Variants in USP9Y observed in about 807,000 individuals in gnomAD.
USP9Y encodes ubiquitin specific peptidase 9 Y-linked.
A neutral mutation model predicts 53.1 loss-of-function variants in USP9Y; 41 were observed. The observed-to-expected ratio is 0.77, with a 90% CI of 0.60 to 1.00. USP9Y has a LOEUF of 1.00. Among genes scored for constraint, USP9Y ranks in the 50% least tolerant of loss-of-function variants. The probability of loss-of-function intolerance (pLI) is 0.00; values close to 1 mark genes in which losing one functional copy is unlikely to be tolerated. For missense variants in USP9Y, 567 were observed against 535.8 expected (o/e 1.06, Z -0.58); for synonymous variants, 220 against 173.7 (o/e 1.27, Z -2.09).
intron 1 of USP9Y, among the ~76,000 whole-genome samples, chrY:12,706,862 T>C: frequency 3.0e-5 from 1 of 33,516 alleles, no homozygotes; most frequent in Non-Finnish European, 7.4e-5. Flanking sequence ...TGGAATAATA[T>C]TAATTTGTAA....
At chrY:12,739,651 T>C (rs1282219275) in intron 12 of USP9Y, 22 bp downstream of exon 12, 1 of 298,617 alleles carries the variant, frequency 3.3e-6, no homozygotes, top group Admixed American at 7.8e-5. Flanking sequence ...AATAGTAAAG[T>C]ATTGCCAAAT....
Position 12,859,797 on chromosome Y carries a change from A to G in USP9Y, c.*381A>G. On this transcript the variant is annotated 3_prime_UTR_variant, in exon 46 of 46. Transcript: ENST00000338981. Reference sequence around the variant, plus strand: ...GCAATTGATATTGCCTGCTTTGAGCAGTTTGGTCAACTTACCAACTTCCCC... The same window carrying G: ...GCAATTGATATTGCCTGCTTTGAGCGGTTTGGTCAACTTACCAACTTCCCC... The G allele has an allele frequency of 2.5e-5, 1 of 39,302 alleles. No individual in the cohort carries two copies. Among genetic ancestry groups the G allele is most frequent in the Non-Finnish European group, 6.3e-5 (1 of 15,896 alleles). 9.8% of individuals were successfully genotyped at this position (39,302 alleles called of 400,897 possible).
At chrY:12,837,879 C>G in intron 34 of USP9Y, 32 bp from the exon 35 acceptor site, 1 of 281,265 alleles carries the variant, frequency 3.6e-6, no homozygotes, top group South Asian at 3.8e-5. Flanking sequence ...AGAATACATT[C>G]TTTTAATTTG....
At chrY:12,810,111 A>C (rs2053528320) in intron 27 of USP9Y, 68 bp from the exon 28 acceptor site, 1 of 326,578 alleles carries the variant, frequency 3.1e-6, no homozygotes, top group African/African-American at 6.9e-5. Context: ...TATACCTCCT[A>C]TTAAAGATAG....
intron 1 of USP9Y, among the ~76,000 whole-genome samples, chrY:12,707,626 C>G: frequency 3.0e-5 from 1 of 33,350 alleles, no homozygotes; most frequent in Non-Finnish European, 7.4e-5. Flanking sequence ...TTTTTATATA[C>G]TGTGCCTTAC....
chrY:12,754,252 G>A, intron 12 of USP9Y, among the ~76,000 whole-genome samples: 2 of 28,453 alleles, frequency 7.0e-5, no homozygotes, highest in Admixed American at 7.0e-4. Flanking sequence ...TTCCAGACAG[G>A]GCCTCAATCT....
At chrY:12,815,466 T>C in intron 31 of USP9Y, among the ~76,000 whole-genome samples, 4 of 33,778 alleles carry the variant, frequency 1.2e-4, no homozygotes, top group Non-Finnish European at 2.9e-4. Flanking sequence ...GACCCCGTGA[T>C]CTGCCCGCCT....
chrY:12,733,156 C>T (rs9786831), intron 7 of USP9Y, among the ~76,000 whole-genome samples: 6,423 of 29,922 alleles, frequency 0.21, no homozygotes, highest in African/African-American at 0.69. Context: ...TGATCTCAGG[C>T]GATCCGCCCG....
chrY:12,707,052 A>T, intron 1 of USP9Y, among the ~76,000 whole-genome samples: 1 of 33,501 alleles, frequency 3.0e-5, no homozygotes, highest in African/African-American at 1.2e-4. Context: ...CGGTTTAATC[A>T]TGGCAGACTT....
chrY:12,854,370 A>C, intron 42 of USP9Y, among the ~76,000 whole-genome samples: 1 of 33,807 alleles, frequency 3.0e-5, no homozygotes, highest in South Asian at 6.4e-4. Context: ...ACTGTGTTTG[A>C]AAGAATTTTT....
chrY:12,842,498 A>G, intron 38 of USP9Y, 33 bp downstream of exon 38: 1 of 320,377 alleles, frequency 3.1e-6, no homozygotes, highest in Non-Finnish European at 4.6e-6. Context: ...TTTTTAAGCA[A>G]TTAAATACTT....
Position 12,776,730 on chromosome Y carries a change from G to A in USP9Y, c.2509G>A (p.Asp837Asn). The A allele has an allele frequency of 2.5e-6, 1 of 394,988 alleles. No individual in the cohort carries two copies. The change falls in exon 19 of 46, where the codon GAC becomes AAC. Residue 837 changes from aspartate to asparagine, a missense_variant. Physicochemically the swap from Asp to Asn is conservative, Grantham distance 23 (BLOSUM62 1). Transcript: ENST00000338981. ...TGATACACTGTGTGTTTTTGATGGT[G>A]ACAAAAACAGCATTAATTGTGCAAG... is the stretch of plus-strand genomic sequence containing the variant. ...SYDTLCVFDG[D>N]KNSINCARQE...
chrY:12,831,105 C>G (rs2053550339), intron 33 of USP9Y, among the ~76,000 whole-genome samples: 3 of 33,433 alleles, frequency 9.0e-5, no homozygotes, highest in Non-Finnish European at 1.5e-4. Context: ...GCCTATCAGT[C>G]TTGCTTCCTT....
rs760102662 is a variant in USP9Y, at chrY:12,785,844, T to A, written c.3152-359T>A. On this transcript the variant is annotated intron_variant, in intron 22 of 45. Coordinates refer to ENST00000338981, the MANE Select transcript of USP9Y (RefSeq NM_004654.4). Reference sequence around the variant, plus strand: ...TTGCTCATTTTTAATTGATAATTTGTCATTTTATTATTCAATTATATGTGG... The same window carrying A: ...TTGCTCATTTTTAATTGATAATTTGACATTTTATTATTCAATTATATGTGG... Among the ~76,000 whole-genome samples the A allele has an allele frequency of 1.4e-3, 46 of 33,541 alleles. No individual in the cohort carries two copies. The Middle Eastern group carries it at 0.042, about 30-fold the overall frequency. The allele number at this position is 33,541 out of a possible 37,273, so 90.0% of individuals were successfully genotyped here. A position where few individuals can be genotyped will look rare whatever the true frequency, so the allele number is the denominator to read the frequency against.
chrY:12,845,777 G>A (rs2053565741), intron 39 of USP9Y, among the ~76,000 whole-genome samples: 1 of 32,796 alleles, frequency 3.0e-5, no homozygotes, highest in Non-Finnish European at 7.5e-5. Context: ...TGCAACGTCC[G>A]CCTCCTGGAT....
chrY:12,723,550 G>A (rs2053438208), intron 5 of USP9Y, among the ~76,000 whole-genome samples: 1 of 29,910 alleles, frequency 3.3e-5, no homozygotes, highest in African/African-American at 1.3e-4. Context: ...CACCATGCCT[G>A]GCTAATTTTT....
At position 12,775,492 on chromosome Y, in the gene USP9Y, G is replaced by A. The variant is rs754430497; in HGVS notation, c.2353G>A (p.Glu785Lys). 8 of 392,574 alleles carry A rather than the reference G, an allele frequency of 2.0e-5. No individual in the cohort carries two copies. The highest frequency in any genetic ancestry group is 1.5e-4 in the Admixed American group (2 of 12,953). Residue 785 changes from glutamate (E) to lysine (K), a missense_variant, in exon 18 of 46, where the codon GAG becomes AAG. Physicochemically the swap from Glu to Lys is moderately conservative, Grantham distance 56 (BLOSUM62 1). Transcript: ENST00000338981. Reference sequence around the variant, plus strand: ...CCAGGTTGTGATTCAGAGTAGTGACGAGATTGCTAACAGAGCTATAGATCT... The same window carrying A: ...CCAGGTTGTGATTCAGAGTAGTGACAAGATTGCTAACAGAGCTATAGATCT... The part of the protein sequence containing the change: ...LWRVVIQSSD[E>K]IANRAIDLLK...
intron 24 of USP9Y, among the ~76,000 whole-genome samples, chrY:12,789,028 T>C (rs2053504688): frequency 3.0e-5 from 1 of 33,235 alleles, no homozygotes; most frequent in East Asian, 7.9e-4. Flanking sequence ...CCAGCTGAAA[T>C]TTTTAATTCC....
At position 12,752,610 on chromosome Y, in the gene USP9Y, T is replaced by A. The variant is rs80016623; in HGVS notation, c.1423-4582T>A. 9.0e-5 allele frequency among the ~76,000 whole-genome samples: 3 copies of A among 33,208 alleles called. No homozygotes were observed. The East Asian group carries it at 2.4e-3, about 26-fold the overall frequency. 89.1% of individuals were successfully genotyped at this position (33,208 alleles called of 37,273 possible). A position where few individuals can be genotyped will look rare whatever the true frequency, so the allele number is the denominator to read the frequency against. ...ATTATGTTGGTTAGAATTGCCAGTATAAAGCTCAATAGAAGTGGCTAGAGG... is the reference window on the plus strand; with the variant it reads ...ATTATGTTGGTTAGAATTGCCAGTAAAAAGCTCAATAGAAGTGGCTAGAGG... On this transcript the variant is annotated intron_variant, in intron 12 of 45. Transcript: ENST00000338981.
Sources: allele counts gnomAD v4.1 joint callset (sites outside exome capture counted in the v4.1 genomes callset), GRCh38; gene constraint gnomAD v4.1.1; transcripts MANE v1.5; gene names NCBI Gene and HGNC (gene_info 2026-07-23, HGNC 2026-07-21).